RANBP3L: variants seen among roughly 807,000 people sequenced by gnomAD.
The protein encoded by RANBP3L is ran-binding protein 3-like.
In RANBP3L, 56 loss-of-function variants were observed where a neutral mutation model predicts 67.2. That is an observed-to-expected ratio of 0.83 (90% CI 0.67 to 1.04). The LOEUF is 1.04. Among genes scored for constraint, RANBP3L ranks in the 50% least tolerant of loss-of-function variants. RANBP3L has a pLI of 0.00. For missense variants in RANBP3L, 496 were observed against 535.5 expected (o/e 0.93, Z 0.73); for synonymous variants, 164 against 181.4 (o/e 0.90, Z 0.77).
In RANBP3L at chr5:36,301,536, T is replaced by G. The variant is rs1233764805; in HGVS notation, c.-120A>C. The G allele has an allele frequency of 1.7e-5, 12 of 691,206 alleles. No individual in the cohort carries two copies. The East Asian group carries it at 2.8e-4, about 16-fold the overall frequency. The allele number at this position is 691,206 out of a possible 1,614,324, so 42.8% of individuals were successfully genotyped here. A position where few individuals can be genotyped will look rare whatever the true frequency, so the allele number is the denominator to read the frequency against. The stretch of plus-strand genomic sequence containing the variant: ...CATAGATTCATGCAGATCTTGTCTT[T>G]GCATGTACAACATATACTCCTCTAC... On this transcript the variant is annotated 5_prime_UTR_variant, in exon 1 of 14. Transcript: ENST00000296604.
intron 13 of RANBP3L, among the ~76,000 whole-genome samples, chr5:36,250,333 A>G (rs1470306945): frequency 6.6e-6 from 1 of 152,034 alleles, no homozygotes; most frequent in Non-Finnish European, 1.5e-5. Flanking sequence ...AAAAAAAATC[A>G]TATTCACTTA....
intron 1 of RANBP3L, among the ~76,000 whole-genome samples, chr5:36,292,087 G>A (rs1296951149): frequency 6.7e-6 from 1 of 148,576 alleles, no homozygotes; most frequent in Non-Finnish European, 1.5e-5. Flanking sequence ...TTGAATGATT[G>A]CCATTCTAAC....
chr5:36,278,984 A>C (rs1040478011), intron 1 of RANBP3L, among the ~76,000 whole-genome samples: 3 of 152,216 alleles, frequency 2.0e-5, no homozygotes, highest in Non-Finnish European at 4.4e-5. Context: ...CATAAACTAC[A>C]TCAAAAACAT....
rs2111556063 is a variant in RANBP3L, at chr5:36,247,289, T to C, written c.*2365A>G. ...TTCTAAGAAAGAATAATGGAGTGTA[T>C]AGAAAATGGGTTGAAAGAGTTGTGA... On this transcript the variant is annotated 3_prime_UTR_variant, in exon 14 of 14. Transcript: ENST00000296604. Among the ~76,000 whole-genome samples, 1 of 152,308 alleles carries C rather than the reference T, an allele frequency of 6.6e-6. No homozygotes were observed.
intron 12 of RANBP3L, among the ~76,000 whole-genome samples, chr5:36,253,333 A>T (rs1748728538): frequency 6.6e-6 from 1 of 152,072 alleles, no homozygotes; most frequent in African/African-American, 2.4e-5. Context: ...CTTCCTGGGA[A>T]CCATTCCTGA....
intron 1 of RANBP3L, 67 bp from the exon 2 acceptor site, chr5:36,271,378 A>G: frequency 9.6e-7 from 1 of 1,044,110 alleles, no homozygotes; most frequent in Non-Finnish European, 1.4e-6. Flanking sequence ...TCATCTAAAA[A>G]TATTTGAAGA....
intron 1 of RANBP3L, among the ~76,000 whole-genome samples, chr5:36,290,993 C>T (rs1049439466): frequency 2.6e-5 from 4 of 151,214 alleles, no homozygotes; most frequent in Non-Finnish European, 5.9e-5. Flanking sequence ...ATCCACCTGC[C>T]TCAGCCTCCC....
intron 3 of RANBP3L, 104 bp from the exon 4 acceptor site, chr5:36,269,571 C>T (rs2111878141): frequency 1.4e-6 from 1 of 726,570 alleles, no homozygotes; most frequent in African/African-American, 1.7e-5. Flanking sequence ...CTACACAGAC[C>T]ATCATTTGAT....
At chr5:36,261,060 T>A (rs1749349486) in intron 7 of RANBP3L, among the ~76,000 whole-genome samples, 196 bp from the exon 8 acceptor site, 1 of 152,170 alleles carries the variant, frequency 6.6e-6, no homozygotes, top group Non-Finnish European at 1.5e-5. Context: ...AGTTTCCAGC[T>A]CTTACAGCAC....
chr5:36,295,995 T>C lies in RANBP3L; in HGVS notation c.91+5331A>G, dbSNP rs2133767. On this transcript the variant is annotated intron_variant, in intron 1 of 13. Transcript: ENST00000296604. ...TCATGCCTACATAATGAAACCTCAT[T>C]AAAAACCCTGGACACCATGCTCAGG... 1.1e-3 allele frequency among the ~76,000 whole-genome samples: 161 copies of C among 152,150 alleles called. 3 individuals are homozygous for C. The highest frequency in any genetic ancestry group is 9.7e-3 in the Admixed American group (148 of 15,270).
intron 1 of RANBP3L, among the ~76,000 whole-genome samples, chr5:36,295,679 T>G (rs1023887442): frequency 2.6e-5 from 4 of 151,442 alleles, no homozygotes; most frequent in African/African-American, 9.7e-5. Context: ...TCCTGTTTTT[T>G]TTTTTTTTTT....
chr5:36,298,761 C>T (rs964425498), intron 1 of RANBP3L, among the ~76,000 whole-genome samples: 3 of 152,180 alleles, frequency 2.0e-5, no homozygotes, highest in Non-Finnish European at 2.9e-5. Context: ...TATTTTGAGA[C>T]TTGGGTGTGG....
intron 1 of RANBP3L, among the ~76,000 whole-genome samples, chr5:36,293,546 G>A (rs1469394049): frequency 1.3e-5 from 2 of 148,732 alleles, no homozygotes; most frequent in Admixed American, 6.8e-5. Flanking sequence ...GTTTGTCATA[G>A]ATAGCTCTTG....
At chr5:36,268,289 A>C in intron 4 of RANBP3L, 4 of 1,493,540 alleles carry the variant, frequency 2.7e-6, no homozygotes, top group Non-Finnish European at 2.7e-6. Context: ...TTGCAAACTA[A>C]AGTCAGTAAG....
chr5:36,256,843 T>C, intron 10 of RANBP3L, 98 bp downstream of exon 10: 1 of 1,147,142 alleles, frequency 8.7e-7, no homozygotes. Flanking sequence ...CCATGAAAAC[T>C]ATACTTCTGT....
rs751399100 is a variant in RANBP3L, at chr5:36,265,414, C to T, written c.340+35G>A. 4 of 1,379,038 alleles carry T rather than the reference C, an allele frequency of 2.9e-6. No individual in the cohort carries two copies. In the African/African-American group the frequency reaches 5.8e-5, roughly 20 times the overall value. 85.4% of individuals were successfully genotyped at this position (1,379,038 alleles called of 1,614,324 possible). A position where few individuals can be genotyped will look rare whatever the true frequency, so the allele number is the denominator to read the frequency against. On this transcript the variant is annotated intron_variant, in intron 5 of 13. Coordinates refer to ENST00000296604, the MANE Select transcript of RANBP3L (RefSeq NM_145000.5). The stretch of plus-strand genomic sequence containing the variant: ...ATGAAAATATAGGTGGTAAAATATA[C>T]AATTTCTGAGGTTCTTGAAATAGAA...
chr5:36,277,748 G>A (rs1329307871), intron 1 of RANBP3L, among the ~76,000 whole-genome samples: 7 of 152,058 alleles, frequency 4.6e-5, no homozygotes, highest in Non-Finnish European at 7.4e-5. Flanking sequence ...GCTGTCCTGT[G>A]TGATATGCAC....
intron 1 of RANBP3L, among the ~76,000 whole-genome samples, chr5:36,286,995 CCCCAA>C (rs1334614584): frequency 6.6e-6 from 1 of 152,114 alleles, no homozygotes; most frequent in African/African-American, 2.4e-5. Context: ...CACCATTGAG[CCCCAA>C]CCTTTTGGCC....
rs1395446288 is a variant in RANBP3L at position 36,251,331 on chromosome 5, C to T, written c.1336G>A (p.Val446Ile). 1.2e-6 allele frequency: 2 copies of T among 1,611,882 alleles called. No homozygotes were observed. The highest frequency in any genetic ancestry group is 1.1e-5 in the South Asian group (1 of 90,610). The change falls in exon 13 of 14, where the codon GTC (valine) becomes ATC (isoleucine). Residue 446 changes from valine to isoleucine, a missense_variant. Val to Ile is a conservative substitution (Grantham distance 29). Transcript: ENST00000296604. Reference protein sequence around the residue: ...CDENEDDFIQVTKNGSDPSSW... With the variant: ...CDENEDDFIQITKNGSDPSSW... ...TATTTACCTGATCCATTTTTAGTGA[C>T]TTGGATGAAATCATCCTCATTCTCA... is the stretch of plus-strand genomic sequence containing the variant.
Sources: allele counts gnomAD v4.1 joint callset (sites outside exome capture counted in the v4.1 genomes callset), GRCh38; gene constraint gnomAD v4.1.1; transcripts MANE v1.5; gene names NCBI Gene and HGNC (gene_info 2026-07-23, HGNC 2026-07-21).